Variants in FAM174A observed in about 807,000 individuals in gnomAD.
FAM174A encodes membrane protein FAM174A.
FAM174A carries 14 observed loss-of-function variants against 14.3 expected under a neutral mutation model. The ratio of observed to expected loss-of-function variants is 0.98; its 90% CI spans 0.65 to 1.53. FAM174A has a LOEUF of 1.53. Among genes scored for constraint, FAM174A ranks in the 40% most tolerant of loss-of-function variants. The pLI is 0.00. For synonymous variants in FAM174A, 108 were observed against 111.4 expected (o/e 0.97, Z 0.19); for missense variants, 241 against 249.6 (o/e 0.97, Z 0.23).
At chr5:100,555,986 CT>C (rs1373938006) in intron 1 of FAM174A, among the ~76,000 whole-genome samples, 4 of 152,120 alleles carry the variant, frequency 2.6e-5, no homozygotes, top group African/African-American at 9.7e-5. Context: ...GTTGCCATTG[CT>C]TTTGGTGTTT....
At chr5:100,554,751 C>T (rs2112376965) in intron 1 of FAM174A, among the ~76,000 whole-genome samples, 1 of 152,164 alleles carries the variant, frequency 6.6e-6, no homozygotes, top group South Asian at 2.1e-4. Flanking sequence ...TTTTGTAAGG[C>T]CTAAAGCTAA....
chr5:100,585,846 C>T (rs978007403), intron 2 of FAM174A, among the ~76,000 whole-genome samples: 4 of 152,106 alleles, frequency 2.6e-5, no homozygotes, highest in Admixed American at 1.3e-4. Flanking sequence ...AAACCCATGT[C>T]ATTCAACAGT....
chr5:100,569,947 C>A (rs752437150), intron 2 of FAM174A, among the ~76,000 whole-genome samples: 3 of 151,730 alleles, frequency 2.0e-5, no homozygotes, highest in Non-Finnish European at 4.4e-5. Context: ...CTTCTCTAAG[C>A]CAGATTTACT....
At chr5:100,552,552 A>G (rs142661592) in intron 1 of FAM174A, among the ~76,000 whole-genome samples, 239 of 152,200 alleles carry the variant, frequency 1.6e-3, no homozygotes, top group Middle Eastern at 6.8e-3. Context: ...TGCATATATC[A>G]GGCTACAGCA....
chr5:100,577,469 G>A (rs1225281794), intron 2 of FAM174A, among the ~76,000 whole-genome samples: 4 of 151,932 alleles, frequency 2.6e-5, no homozygotes, highest in Non-Finnish European at 4.4e-5. Flanking sequence ...GCGATACTTG[G>A]CCATAAAATA....
intron 2 of FAM174A, among the ~76,000 whole-genome samples, chr5:100,575,130 A>C (rs1352181400): frequency 6.6e-6 from 1 of 151,998 alleles, no homozygotes; most frequent in Non-Finnish European, 1.5e-5. Flanking sequence ...CTATACTACC[A>C]CTTGTATTAC....
chr5:100,535,838 G>A lies in FAM174A; in HGVS notation c.308G>A (p.Gly103Asp), dbSNP rs1011149361. 1.2e-6 allele frequency: 2 copies of A among 1,611,760 alleles called. No individual in the cohort carries two copies. Among genetic ancestry groups the A allele is most frequent in the Non-Finnish European group, 1.7e-6 (2 of 1,179,874 alleles). Residue 103 changes from glycine (G) to aspartate (D), a missense_variant, in exon 1 of 3, where the codon GGC (glycine) becomes GAC (aspartate). Transcript: ENST00000312637. ...GATCACGGAGGGAAGGCCGGGGAAGGCTCGGTGGGTGGCGGCCTTGCTGTG... is the reference window on the plus strand; with the variant it reads ...GATCACGGAGGGAAGGCCGGGGAAGACTCGGTGGGTGGCGGCCTTGCTGTG... ...TDDHGGKAGEGSVGGGLAVSP... is the reference protein window; with the variant it reads ...TDDHGGKAGEDSVGGGLAVSP...
chr5:100,555,113 G>A (rs1304158941), intron 1 of FAM174A, among the ~76,000 whole-genome samples: 1 of 144,950 alleles, frequency 6.9e-6, no homozygotes, highest in African/African-American at 2.5e-5. Flanking sequence ...GGTGTGTGAT[G>A]TTCCCCTTCC....
chr5:100,543,522 A>G (rs554030797), intron 1 of FAM174A, among the ~76,000 whole-genome samples: 1 of 152,340 alleles, frequency 6.6e-6, no homozygotes, highest in East Asian at 1.9e-4. Flanking sequence ...TCTATTGGGT[A>G]GCACAATTCT....
At position 100,586,146 on chromosome 5, in the gene FAM174A, A is replaced by C. The variant is rs776144708; in HGVS notation, c.570-35A>C. ...AAATGTTTTTAAAATTGTTCTAGAA[A>C]GGATATTTATGGTATTTTTTTCTTT... On this transcript the variant is annotated intron_variant, in intron 2 of 2. Transcript: ENST00000312637. 9 of 1,170,284 alleles carry C rather than the reference A, an allele frequency of 7.7e-6. No individual in the cohort carries two copies. The South Asian group carries it at 1.3e-4, about 17-fold the overall frequency. 72.5% of individuals were successfully genotyped at this position (1,170,284 alleles called of 1,614,324 possible). A position where few individuals can be genotyped will look rare whatever the true frequency, so the allele number is the denominator to read the frequency against.
intron 2 of FAM174A, among the ~76,000 whole-genome samples, chr5:100,585,905 A>G (rs1410426061): frequency 1.3e-5 from 2 of 152,204 alleles, no homozygotes; most frequent in African/African-American, 4.8e-5. Context: ...TGAATATTAT[A>G]TGAGGATAAA....
At chr5:100,561,292 T>A (rs565669445) in intron 1 of FAM174A, among the ~76,000 whole-genome samples, 1 of 152,046 alleles carries the variant, frequency 6.6e-6, no homozygotes, top group South Asian at 2.1e-4. Context: ...ATCAAAAGCA[T>A]AAGAAATGTT....
At chr5:100,536,620 C>G (rs1436356306) in intron 1 of FAM174A, among the ~76,000 whole-genome samples, 4 of 152,118 alleles carry the variant, frequency 2.6e-5, no homozygotes, top group African/African-American at 9.7e-5. Flanking sequence ...AGAGCCAAGA[C>G]CTCACCATTA....
Position 100,551,988 on chromosome 5 carries a change from T to C in FAM174A, c.435-10066T>C, listed in dbSNP as rs529265087. ...TACCGGGGATTAGGACTTCAACATA[T>C]GAATTTTTGGAAGACGCAGTTCAAC... On this transcript the variant is annotated intron_variant, in intron 1 of 2. Transcript: ENST00000312637. 6.6e-5 allele frequency among the ~76,000 whole-genome samples: 10 copies of C among 152,288 alleles called. No homozygotes were observed. The East Asian group carries it at 1.7e-3, about 26-fold the overall frequency.
intron 1 of FAM174A, among the ~76,000 whole-genome samples, chr5:100,556,840 G>T (rs1314169374): frequency 1.3e-5 from 2 of 152,134 alleles, no homozygotes; most frequent in African/African-American, 4.8e-5. Flanking sequence ...AGGAGACTTT[G>T]GGCTGAGACG....
chr5:100,563,131 G>A lies in FAM174A; in HGVS notation c.569+943G>A, dbSNP rs558184163. Among the ~76,000 whole-genome samples, 3 of 151,644 alleles carry A rather than the reference G, an allele frequency of 2.0e-5. No individual in the cohort carries two copies. The East Asian group carries it at 5.8e-4, about 29-fold the overall frequency. ...TTTATATATATGCACACACACAAAGGAACTTTTAGTAATGCTGATAATTTG... is the reference window on the plus strand; with the variant it reads ...TTTATATATATGCACACACACAAAGAAACTTTTAGTAATGCTGATAATTTG... On this transcript the variant is annotated intron_variant, in intron 2 of 2. Transcript: ENST00000312637.
intron 2 of FAM174A, among the ~76,000 whole-genome samples, chr5:100,582,527 C>G (rs189351535): frequency 6.0e-5 from 9 of 151,128 alleles, no homozygotes; most frequent in African/African-American, 1.9e-4. Flanking sequence ...ATGGCTCTTA[C>G]TAGCAGAAAT....
At chr5:100,558,081 A>G (rs1746434453) in intron 1 of FAM174A, among the ~76,000 whole-genome samples, 1 of 152,166 alleles carries the variant, frequency 6.6e-6, no homozygotes, top group African/African-American at 2.4e-5. Flanking sequence ...ATTTAGTGCT[A>G]TAAATTTCCC....
At chr5:100,568,700 A>G (rs932954518) in intron 2 of FAM174A, among the ~76,000 whole-genome samples, 1 of 151,386 alleles carries the variant, frequency 6.6e-6, no homozygotes, top group African/African-American at 2.4e-5. Context: ...TTCTTTGCCT[A>G]TTAAAGAATT....
Sources: gnomAD v4.1 joint callset for allele counts (sites outside exome capture counted in the v4.1 genomes callset) on GRCh38, gnomAD v4.1.1 for gene constraint, MANE v1.5 for transcripts, NCBI Gene and HGNC (gene_info 2026-07-23, HGNC 2026-07-21) for gene names.